The following HSPA12A variants were observed in gnomAD, a reference collection of about 807,000 sequenced individuals.
The protein encoded by HSPA12A is heat shock protein family A (Hsp70) member 12A.
Under a neutral mutation model 69.2 loss-of-function variants are expected in HSPA12A, and 28 were observed. The ratio of observed to expected loss-of-function variants is 0.40; its 90% CI spans 0.30 to 0.55. The LOEUF (loss-of-function observed/expected upper bound fraction) is 0.55. Among genes scored for constraint, HSPA12A ranks in the 20% least tolerant of loss-of-function variants. The probability of loss-of-function intolerance (pLI) is 0.38; values close to 1 mark genes in which losing one functional copy is unlikely to be tolerated. For synonymous variants in HSPA12A, 345 were observed against 370.5 expected (o/e 0.93, Z 0.79); for missense variants, 686 against 900.7 (o/e 0.76, Z 3.05).
At chr10:116,715,277 C>T (rs1331748822) in intron 1 of HSPA12A, among the ~76,000 whole-genome samples, 1 of 152,210 alleles carries the variant, frequency 6.6e-6, no homozygotes, top group Non-Finnish European at 1.5e-5. Context: ...CCAACTGCGA[C>T]AGCTTAGAAG....
chr10:116,690,242 C>T (rs2132935270), intron 6 of HSPA12A, among the ~76,000 whole-genome samples: 1 of 152,312 alleles, frequency 6.6e-6, no homozygotes, highest in South Asian at 2.1e-4. Context: ...ACACCCCTCT[C>T]CCTAACCCAA....
chr10:116,705,177 C>T lies in HSPA12A; in HGVS notation c.228G>A (p.Lys76=). The T allele has an allele frequency of 1.2e-6, 2 of 1,614,198 alleles. No individual in the cohort carries two copies. The highest frequency in any genetic ancestry group is 1.1e-5 in the South Asian group (1 of 91,086). The change falls in exon 3 of 12, where the codon AAG becomes AAA. Residue 76 remains lysine (K), a synonymous_variant. Coordinates refer to ENST00000369209, the MANE Select transcript of HSPA12A (RefSeq NM_025015.3). The part of the protein sequence containing the change: ...TSSGYAYSFT[K]EPECIHVMRR... ...TCATCACATGGATGCATTCCGGCTC[C>T]TTGGTGAAGCTGTAGGCATAGCCAC...
chr10:116,752,214 G>C (rs952552442), intron 2 of HSPA12A, among the ~76,000 whole-genome samples: 1 of 152,164 alleles, frequency 6.6e-6, no homozygotes, highest in African/African-American at 2.4e-5. Flanking sequence ...ACCCAGAGCC[G>C]GTCTGCTTAA....
At chr10:116,798,165 G>A (rs1012572343) in intron 2 of HSPA12A, among the ~76,000 whole-genome samples, 39 of 151,420 alleles carry the variant, frequency 2.6e-4, no homozygotes, top group Admixed American at 7.2e-4. Flanking sequence ...GTGGACGGTA[G>A]AGGGGCGGGG....
rs1299571684 is a variant in HSPA12A at position 116,692,553 on chromosome 10, C to A, written c.547-86G>T. 1.8e-5 allele frequency: 18 copies of A among 1,005,950 alleles called. No individual in the cohort carries two copies. The Admixed American group carries it at 3.0e-4, about 17-fold the overall frequency. 62.3% of individuals were successfully genotyped at this position (1,005,950 alleles called of 1,614,324 possible). ...CTGTGGCTTCACTGAACCCAGGCTT[C>A]CTGCCATGAGCTCTTCAGGAGCCAG... On this transcript the variant is annotated intron_variant, in intron 5 of 11. Coordinates refer to ENST00000369209, the MANE Select transcript of HSPA12A (RefSeq NM_025015.3).
intron 2 of HSPA12A, among the ~76,000 whole-genome samples, chr10:116,805,917 C>A (rs974213816): frequency 1.3e-5 from 2 of 152,320 alleles, no homozygotes; most frequent in Middle Eastern, 3.4e-3. Context: ...TCGGAGCTAA[C>A]CCAGGATGCC....
Position 116,691,221 on chromosome 10 carries a change from GGA to G in HSPA12A, c.663+1128_663+1129del, listed in dbSNP as rs1849728402. Reference sequence around the variant, plus strand: ...TGCAGGGGAAGCAGCCTGGGGAAGGGGAGAGAGTGCAGGGAGGAGACGACTCG... The same window carrying G: ...TGCAGGGGAAGCAGCCTGGGGAAGGGGAGAGTGCAGGGAGGAGACGACTCG... On this transcript the variant is annotated intron_variant, in intron 6 of 11. Transcript: ENST00000369209. 2.0e-5 allele frequency among the ~76,000 whole-genome samples: 3 copies of G among 152,270 alleles called. No individual in the cohort carries two copies. The South Asian group carries it at 6.2e-4, about 32-fold the overall frequency.
chr10:116,783,214 C>A (rs1344715586), intron 2 of HSPA12A, among the ~76,000 whole-genome samples: 1 of 152,220 alleles, frequency 6.6e-6, no homozygotes, highest in Non-Finnish European at 1.5e-5. Flanking sequence ...CCTCTTTCCA[C>A]ACCATCGACG....
chr10:116,796,779 C>A (rs1429814197), intron 2 of HSPA12A, among the ~76,000 whole-genome samples: 1 of 152,122 alleles, frequency 6.6e-6, no homozygotes, highest in Non-Finnish European at 1.5e-5. Flanking sequence ...GAACATGGTT[C>A]TGAAGCAACC....
chr10:116,818,017 TG>T (rs1464275127), intron 2 of HSPA12A, among the ~76,000 whole-genome samples: 1 of 152,184 alleles, frequency 6.6e-6, no homozygotes, highest in African/African-American at 2.4e-5. Context: ...GTCTCTGCCC[TG>T]AGTTAGGAGT....
At chr10:116,767,711 G>A (rs1318846569) in intron 2 of HSPA12A, among the ~76,000 whole-genome samples, 2 of 152,160 alleles carry the variant, frequency 1.3e-5, no homozygotes, top group African/African-American at 2.4e-5. Context: ...GGCCACAAGG[G>A]GGCTTTAACC....
At chr10:116,705,409 C>G (rs1850213103) in intron 2 of HSPA12A, 131 bp from the exon 3 acceptor site, 1 of 1,108,286 alleles carries the variant, frequency 9.0e-7, no homozygotes, top group Non-Finnish European at 1.3e-6. Context: ...TATTCCAGCT[C>G]AAGTCTACCA....
intron 2 of HSPA12A, among the ~76,000 whole-genome samples, chr10:116,771,512 G>A (rs1844209320): frequency 6.6e-6 from 1 of 152,234 alleles, no homozygotes; most frequent in African/African-American, 2.4e-5. Context: ...AACGAAAGAG[G>A]CCAGGGCAGA....
At chr10:116,727,029 T>C (rs951596373) in intron 1 of HSPA12A, among the ~76,000 whole-genome samples, 7 of 151,726 alleles carry the variant, frequency 4.6e-5, no homozygotes, top group Non-Finnish European at 7.4e-5. Flanking sequence ...CAAAGTGTTA[T>C]CACATTTTGA....
chr10:116,754,565 C>T (rs1314630450), intron 2 of HSPA12A, among the ~76,000 whole-genome samples: 7 of 152,158 alleles, frequency 4.6e-5, no homozygotes, highest in Admixed American at 1.3e-4. Flanking sequence ...AGGTGTGTAA[C>T]GTGCATGTGA....
At chr10:116,702,085 G>C (rs984547539) in intron 3 of HSPA12A, among the ~76,000 whole-genome samples, 1 of 151,680 alleles carries the variant, frequency 6.6e-6, no homozygotes, top group South Asian at 2.1e-4. Context: ...CTCCAGCCTG[G>C]GCAACACAGC....
At chr10:116,688,658 A>G (rs2132930801) in intron 6 of HSPA12A, among the ~76,000 whole-genome samples, 1 of 152,350 alleles carries the variant, frequency 6.6e-6, no homozygotes, top group South Asian at 2.1e-4. Flanking sequence ...TCGGGGTGTT[A>G]TGCTGTTTTG....
At chr10:116,841,745 C>T (rs895207568) in intron 1 of HSPA12A, among the ~76,000 whole-genome samples, 2 of 151,708 alleles carry the variant, frequency 1.3e-5, no homozygotes, top group Non-Finnish European at 1.5e-5. Flanking sequence ...GAATACAGTT[C>T]TTTGAAAAAC....
chr10:116,826,306 C>T (rs377023733), intron 2 of HSPA12A, among the ~76,000 whole-genome samples: 4 of 152,200 alleles, frequency 2.6e-5, no homozygotes, highest in African/African-American at 9.7e-5. Context: ...TGATAAATTA[C>T]CAGCTCCTTC....
Sources: allele counts gnomAD v4.1 joint callset (sites outside exome capture counted in the v4.1 genomes callset), GRCh38; gene constraint gnomAD v4.1.1; transcripts MANE v1.5; gene names NCBI Gene and HGNC (gene_info 2026-07-23, HGNC 2026-07-21).